Variants in RNLS observed in about 807,000 individuals in gnomAD.
The protein encoded by RNLS is renalase.
RNLS carries 39 observed loss-of-function variants against 39.8 expected under a neutral mutation model. The ratio of observed to expected loss-of-function variants is 0.98; its 90% CI spans 0.76 to 1.28. The LOEUF (loss-of-function observed/expected upper bound fraction) is 1.28. Ranked by LOEUF, RNLS falls within the 50% of genes most tolerant of loss-of-function variation. The pLI, the probability that RNLS is intolerant of heterozygous loss-of-function variation, is 0.00. For synonymous variants in RNLS, 147 were observed against 150.7 expected, an observed-to-expected ratio of 0.98 and a Z score of 0.18; for missense variants, 410 against 413.3, an observed-to-expected ratio of 0.99 and a Z score of 0.07.
intron 4 of RNLS, among the ~76,000 whole-genome samples, chr10:88,529,953 A>G (rs1487919227): frequency 1.3e-5 from 2 of 152,234 alleles, no homozygotes; most frequent in Admixed American, 6.5e-5. Context: ...TTTACTATAC[A>G]CATAGGTATA....
intron 4 of RNLS, among the ~76,000 whole-genome samples, chr10:88,384,387 A>ATAAT (rs1284548678): frequency 1.3e-5 from 2 of 152,252 alleles, no homozygotes; most frequent in Admixed American, 6.5e-5. Context: ...TACTGTAGTT[A>ATAAT]TAATTCCCAT....
intron 4 of RNLS, among the ~76,000 whole-genome samples, chr10:88,421,874 T>C (rs923259240): frequency 5.9e-5 from 9 of 152,128 alleles, no homozygotes; most frequent in African/African-American, 2.2e-4. Flanking sequence ...TGACTCCTCC[T>C]CCTCCTCTCT....
chr10:88,235,061 A>G, the RNLS span, among the ~76,000 whole-genome samples: 1 of 152,072 alleles, frequency 6.6e-6, no homozygotes, highest in Non-Finnish European at 1.5e-5. Flanking sequence ...GGAGATCGAG[A>G]CCATCCTGGC....
chr10:88,332,560 A>C (rs1235451718), intron 5 of RNLS, among the ~76,000 whole-genome samples: 1 of 152,242 alleles, frequency 6.6e-6, no homozygotes, highest in Non-Finnish European at 1.5e-5. Flanking sequence ...TAACAGCCTC[A>C]TTTGGGAGAC....
chr10:88,278,893 A>G (rs544903353), intron 6 of RNLS, among the ~76,000 whole-genome samples: 13 of 152,332 alleles, frequency 8.5e-5, no homozygotes, highest in Non-Finnish European at 1.3e-4. Flanking sequence ...ACTTACTAAT[A>G]TTAGAATAAA....
intron 4 of RNLS, among the ~76,000 whole-genome samples, chr10:88,412,964 T>A (rs1268962232): frequency 6.6e-6 from 1 of 152,168 alleles, no homozygotes; most frequent in African/African-American, 2.4e-5. Context: ...TGGACACAGA[T>A]CTGTTGATGA....
chr10:88,440,129 C>T (rs553059321), intron 4 of RNLS, among the ~76,000 whole-genome samples: 2 of 152,238 alleles, frequency 1.3e-5, no homozygotes, highest in South Asian at 4.1e-4. Context: ...TTTGTTGAGT[C>T]TCTCTGAAGT....
At chr10:88,491,964 T>G (rs2765448) in intron 4 of RNLS, among the ~76,000 whole-genome samples, 69,207 of 150,408 alleles carry the variant, frequency 0.46, 16,605 homozygotes, top group Middle Eastern at 0.54. Flanking sequence ...TTTGTTTTTT[T>G]TTTTTTTTTT....
the RNLS span, among the ~76,000 whole-genome samples, chr10:88,261,771 C>T: frequency 6.6e-6 from 1 of 152,212 alleles, no homozygotes; most frequent in Admixed American, 6.5e-5. Context: ...GAATGAACAA[C>T]ACAGTGACCA....
intron 4 of RNLS, among the ~76,000 whole-genome samples, chr10:88,370,627 G>A (rs1362906708): frequency 6.6e-6 from 1 of 152,134 alleles, no homozygotes; most frequent in African/African-American, 2.4e-5. Context: ...TGTTGTGCAC[G>A]AATTCAACTC....
At chr10:88,285,992 C>T (rs1843238821) in intron 6 of RNLS, among the ~76,000 whole-genome samples, 1 of 152,018 alleles carries the variant, frequency 6.6e-6, no homozygotes, top group African/African-American at 2.4e-5. Flanking sequence ...CCAGAGGTGC[C>T]ATCTATGAGA....
At chr10:88,331,796 A>C (rs1160690504) in intron 5 of RNLS, among the ~76,000 whole-genome samples, 1 of 152,104 alleles carries the variant, frequency 6.6e-6, no homozygotes, top group East Asian at 1.9e-4. Flanking sequence ...GAGTTACTAC[A>C]ATTTAGCTCT....
At chr10:88,502,719 A>C (rs978704810) in intron 4 of RNLS, among the ~76,000 whole-genome samples, 2 of 152,128 alleles carry the variant, frequency 1.3e-5, no homozygotes, top group African/African-American at 4.8e-5. Context: ...TGTATAATAA[A>C]GTTTTGGAAT....
chr10:88,552,145 A>C (rs555246045), intron 4 of RNLS, among the ~76,000 whole-genome samples: 1 of 152,204 alleles, frequency 6.6e-6, no homozygotes, highest in Non-Finnish European at 1.5e-5. Flanking sequence ...TCACTTCATT[A>C]CACAGAAGAG....
chr10:88,424,905 T>G (rs536195898), intron 4 of RNLS, among the ~76,000 whole-genome samples: 29 of 152,232 alleles, frequency 1.9e-4, no homozygotes, highest in Middle Eastern at 6.8e-3. Context: ...GGTCATGCTT[T>G]TTTCTTCATC....
chr10:88,351,781 A>G (rs112965594), intron 5 of RNLS, among the ~76,000 whole-genome samples: 11 of 152,318 alleles, frequency 7.2e-5, no homozygotes, highest in African/African-American at 2.6e-4. Context: ...TTGAATCTAT[A>G]AATTACCTTG....
At chr10:88,293,866 A>G (rs1589477339) in intron 6 of RNLS, among the ~76,000 whole-genome samples, 1 of 152,288 alleles carries the variant, frequency 6.6e-6, no homozygotes. Context: ...GGATAACCTG[A>G]GTGTGGGTGT....
chr10:88,341,369 A>G (rs1235813024), intron 5 of RNLS, among the ~76,000 whole-genome samples: 2 of 151,766 alleles, frequency 1.3e-5, no homozygotes, highest in Non-Finnish European at 2.9e-5. Context: ...ACAAACAAGA[A>G]TATTGGCTGT....
chr10:88,520,614 G>T (rs552330460), intron 4 of RNLS, among the ~76,000 whole-genome samples: 2 of 152,010 alleles, frequency 1.3e-5, no homozygotes, highest in African/African-American at 4.8e-5. Flanking sequence ...CCTCTTATTT[G>T]CCATCTTCCA....
Sources: gnomAD v4.1 joint callset for allele counts (sites outside exome capture counted in the v4.1 genomes callset) on GRCh38, gnomAD v4.1.1 for gene constraint, MANE v1.5 for transcripts, NCBI Gene and HGNC (gene_info 2026-07-23, HGNC 2026-07-21) for gene names.